The following GNG4 variants were observed in gnomAD, a reference collection of about 807,000 sequenced individuals.
GNG4 encodes the protein guanine nucleotide-binding protein G(I)/G(S)/G(O) subunit gamma-4.
GNG4 carries 4 observed loss-of-function variants against 5.8 expected under a neutral mutation model. That is an observed-to-expected ratio of 0.69 (90% CI 0.34 to 1.57). The LOEUF is 1.57. GNG4 is among the 40% of genes most tolerant of loss of function. The probability of loss-of-function intolerance (pLI) is 0.06; values close to 1 mark genes in which losing one functional copy is unlikely to be tolerated. For synonymous variants in GNG4, 29 were observed against 32.9 expected (o/e 0.88, Z 0.41); for missense variants, 96 against 95.1 (o/e 1.01, Z -0.04).
intron 1 of GNG4, among the ~76,000 whole-genome samples, chr1:235,620,344 G>A (rs1458915764): frequency 6.6e-6 from 1 of 152,124 alleles, no homozygotes; most frequent in African/African-American, 2.4e-5. Flanking sequence ...CAGCCTGGGC[G>A]ACAAGAGTGA....
At chr1:235,647,537 C>T (rs1657542738) in intron 1 of GNG4, among the ~76,000 whole-genome samples, 1 of 152,116 alleles carries the variant, frequency 6.6e-6, no homozygotes, top group Non-Finnish European at 1.5e-5. Flanking sequence ...TTGTGGTAGG[C>T]GTGGGTTTGG....
In GNG4 at chr1:235,554,153, G is replaced by A. The variant is rs373328169; in HGVS notation, c.100-1916C>T. ...ACAGGGCTGCGATGGACACACAAGA[G>A]AATGGAATCACATGGTGAGTGCTGC... On this transcript the variant is annotated intron_variant, in intron 3 of 3. Transcript: ENST00000391854. Among the ~76,000 whole-genome samples the A allele has an allele frequency of 3.1e-4, 47 of 152,306 alleles. No homozygotes were observed. In the East Asian group the frequency reaches 8.9e-3, roughly 29 times the overall value.
chr1:235,560,746 C>T (rs1034840780), intron 3 of GNG4, among the ~76,000 whole-genome samples: 1 of 152,228 alleles, frequency 6.6e-6, no homozygotes, highest in African/African-American at 2.4e-5. Flanking sequence ...CTTTCATTTT[C>T]TTCTTCTACT....
chr1:235,552,576 G>T (rs537461081), intron 3 of GNG4, among the ~76,000 whole-genome samples: 1 of 152,264 alleles, frequency 6.6e-6, no homozygotes, highest in East Asian at 1.9e-4. Flanking sequence ...TTGCTAAACC[G>T]TTTCTGGAAG....
At chr1:235,639,887 C>G (rs1307062430) in intron 1 of GNG4, among the ~76,000 whole-genome samples, 1 of 152,224 alleles carries the variant, frequency 6.6e-6, no homozygotes, top group Non-Finnish European at 1.5e-5. Flanking sequence ...ACTTATTTTG[C>G]ATTCCTACCC....
At chr1:235,586,931 A>T (rs1687772216) in intron 2 of GNG4, among the ~76,000 whole-genome samples, 1 of 152,216 alleles carries the variant, frequency 6.6e-6, no homozygotes. Context: ...ACTGCCTTCA[A>T]ATCTTGATCC....
At chr1:235,569,671 G>A (rs1571882703) in intron 3 of GNG4, among the ~76,000 whole-genome samples, 1 of 151,432 alleles carries the variant, frequency 6.6e-6, no homozygotes. Context: ...AGGTTCAAGC[G>A]ATTCTCCCAC....
chr1:235,647,970 C>T (rs1176661460), intron 1 of GNG4, among the ~76,000 whole-genome samples: 1 of 152,060 alleles, frequency 6.6e-6, no homozygotes, highest in African/African-American at 2.4e-5. Context: ...TATTGGGGGA[C>T]TTCAGGGACT....
chr1:235,569,197 A>G (rs1216863184), intron 3 of GNG4, among the ~76,000 whole-genome samples: 1 of 152,124 alleles, frequency 6.6e-6, no homozygotes, highest in Non-Finnish European at 1.5e-5. Context: ...GTGAAAATTC[A>G]AGCACCTAAC....
At chr1:235,568,999 G>A (rs1459188492) in intron 3 of GNG4, among the ~76,000 whole-genome samples, 1 of 151,828 alleles carries the variant, frequency 6.6e-6, no homozygotes, top group African/African-American at 2.4e-5. Context: ...GCTAATTTTT[G>A]TATTTTTAGT....
chr1:235,578,830 G>C (rs1386786463), intron 3 of GNG4, among the ~76,000 whole-genome samples: 1 of 152,188 alleles, frequency 6.6e-6, no homozygotes, highest in Non-Finnish European at 1.5e-5. Flanking sequence ...GGCTGCGGTG[G>C]CTTAGGCCTG....
chr1:235,555,893 A>C (rs533193954), intron 3 of GNG4, among the ~76,000 whole-genome samples: 1 of 152,064 alleles, frequency 6.6e-6, no homozygotes, highest in South Asian at 2.1e-4. Context: ...TTTGAGATGG[A>C]GTCTCACTCT....
intron 3 of GNG4, among the ~76,000 whole-genome samples, chr1:235,583,119 A>C (rs1285576722): frequency 6.6e-6 from 1 of 152,092 alleles, no homozygotes. Context: ...CAACTCTATT[A>C]CAGTCAACGA....
intron 1 of GNG4, among the ~76,000 whole-genome samples, chr1:235,603,624 A>G (rs546110718): frequency 6.6e-6 from 1 of 152,326 alleles, no homozygotes; most frequent in South Asian, 2.1e-4. Context: ...ATTTTACAGT[A>G]TGGGTCTCAA....
At chr1:235,627,104 G>A (rs988638966) in intron 1 of GNG4, among the ~76,000 whole-genome samples, 5 of 151,800 alleles carry the variant, frequency 3.3e-5, no homozygotes, top group Admixed American at 1.3e-4. Context: ...CCTGAGGGAG[G>A]CTCTGTCACT....
chr1:235,593,719 A>C (rs1027192646), intron 2 of GNG4, among the ~76,000 whole-genome samples: 23 of 152,008 alleles, frequency 1.5e-4, no homozygotes, highest in African/African-American at 4.8e-4. Context: ...GCAGAGCTTC[A>C]CGGTGAGTGT....
intron 1 of GNG4, among the ~76,000 whole-genome samples, chr1:235,636,517 C>T (rs12129459): frequency 0.57 from 86,455 of 151,416 alleles, 25,661 homozygotes; most frequent in East Asian, 0.85. Flanking sequence ...CAGCAAGCCA[C>T]GGCCACGCAG....
chr1:235,565,052 G>C (rs115592656), intron 3 of GNG4, among the ~76,000 whole-genome samples: 1 of 152,146 alleles, frequency 6.6e-6, no homozygotes, highest in Non-Finnish European at 1.5e-5. Context: ...TGCCATCCCC[G>C]TGTGGAAGTT....
chr1:235,614,299 G>C (rs962334486), intron 1 of GNG4, among the ~76,000 whole-genome samples: 5 of 151,528 alleles, frequency 3.3e-5, no homozygotes, highest in Non-Finnish European at 7.4e-5. Flanking sequence ...TTTTTTCTTG[G>C]ATGGTCTGGC....
Sources: allele counts gnomAD v4.1 joint callset (sites outside exome capture counted in the v4.1 genomes callset), GRCh38; gene constraint gnomAD v4.1.1; transcripts MANE v1.5; gene names NCBI Gene and HGNC (gene_info 2026-07-23, HGNC 2026-07-21).